Variants in KTN1 observed in about 807,000 individuals in gnomAD.
KTN1 encodes the protein kinectin.
Under a neutral mutation model 222.5 loss-of-function variants are expected in KTN1, and 130 were observed. The ratio of observed to expected loss-of-function variants is 0.58; its 90% confidence interval spans 0.51 to 0.68. The LOEUF is 0.68. KTN1 is among the 30% of genes least tolerant of loss of function. The pLI is 0.00. For synonymous variants in KTN1, 512 were observed against 496.3 expected, an observed-to-expected ratio of 1.03 and a Z score of -0.42; for missense variants, 1,508 against 1,500.4, an observed-to-expected ratio of 1.01 and a Z score of -0.08.
At chr14:55,634,471 T>C in intron 8 of KTN1, 55 bp from the exon 9 acceptor site, 1 of 1,482,592 alleles carries the variant, frequency 6.7e-7, no homozygotes, top group Non-Finnish European at 9.0e-7. Flanking sequence ...GTTTTGTTTA[T>C]TTCTTATATA....
At chr14:55,632,459 A>G (rs1164450457) in intron 7 of KTN1, among the ~76,000 whole-genome samples, 1 of 152,224 alleles carries the variant, frequency 6.6e-6, no homozygotes, top group East Asian at 1.9e-4. Flanking sequence ...GTGTGCCTTT[A>G]TCTTTAGATT....
Position 55,656,102 on chromosome 14 carries a change from T to A in KTN1, c.2862T>A (p.Ser954Arg). 6.2e-7 allele frequency: 1 copy of A among 1,608,618 alleles called. No homozygotes were observed. The highest frequency in any genetic ancestry group is 8.5e-7 in the Non-Finnish European group (1 of 1,176,002). ...RLEAMLKERE[S>R]DLSSKTQLLQ... is the part of the protein sequence containing the mutation. ...AAGCCATGCTAAAAGAGAGGGAGAG[T>A]GATCTTTCTAGCAAAACACAGCTGT... The change falls in exon 29 of 44, where the codon AGT (serine) becomes AGA (arginine). Residue 954 changes from serine (S) to arginine (R), a missense_variant. Physicochemically the swap from Ser to Arg is moderately radical, Grantham distance 110 (BLOSUM62 -1). Transcript: ENST00000395314.
chr14:55,636,373 CT>C lies in KTN1; in HGVS notation c.1462-69del, dbSNP rs138617543. 5,176 of 1,131,750 alleles carry C rather than the reference CT, an allele frequency of 4.6e-3. 173 individuals are homozygous for C. In the African/African-American group the frequency reaches 0.07, roughly 15 times the overall value. The allele number at this position is 1,131,750 out of a possible 1,614,324, so 70.1% of individuals were successfully genotyped here. A position where few individuals can be genotyped will look rare whatever the true frequency, so the allele number is the denominator to read the frequency against. ...GATACAACAGTAAAGGTAGAGGATG[CT>C]TTTTTTCCCTCTTTTTCAAAGTAGA... On this transcript the variant is annotated intron_variant, in intron 9 of 43. Transcript: ENST00000395314.
At chr14:55,583,895 T>C (rs1191765136) in intron 1 of KTN1, among the ~76,000 whole-genome samples, 3 of 152,214 alleles carry the variant, frequency 2.0e-5, no homozygotes, top group Non-Finnish European at 4.4e-5. Flanking sequence ...CCCTGACTTA[T>C]TTCTTTCACA....
chr14:55,610,593 G>A (rs1227915224), intron 1 of KTN1, among the ~76,000 whole-genome samples: 2 of 152,158 alleles, frequency 1.3e-5, no homozygotes, highest in African/African-American at 4.8e-5. Context: ...AAAATTCTCA[G>A]ATTTATTTTT....
At chr14:55,672,746 T>C (rs1365075663) in intron 38 of KTN1, 45 bp downstream of exon 38, 1 of 1,320,994 alleles carries the variant, frequency 7.6e-7, no homozygotes, top group Non-Finnish European at 1.1e-6. Flanking sequence ...GATTTGTTTT[T>C]AGCATTAACG....
In KTN1 at chr14:55,647,016, T is replaced by G. The variant is rs1342513244; in HGVS notation, c.2207+9T>G. The G allele has an allele frequency of 1.4e-6, 2 of 1,466,268 alleles. No homozygotes were observed. The highest frequency in any genetic ancestry group is 3.4e-5 in the Admixed American group (2 of 58,586). 90.8% of individuals were successfully genotyped at this position (1,466,268 alleles called of 1,614,324 possible). ...GAACAAATGGAAAAATGGTAAGAGTTTAGTTTTCTTTTTATATTTTGATGA... is the reference window on the plus strand; with the variant it reads ...GAACAAATGGAAAAATGGTAAGAGTGTAGTTTTCTTTTTATATTTTGATGA... On this transcript the variant is annotated intron_variant, in intron 19 of 43. Transcript: ENST00000395314.
Position 55,684,259 on chromosome 14 carries a change from A to T in KTN1, c.*156A>T. 2.0e-6 allele frequency: 1 copy of T among 499,262 alleles called. No individual in the cohort carries two copies. The highest frequency in any genetic ancestry group is 3.4e-6 in the Non-Finnish European group (1 of 291,870). 30.9% of individuals were successfully genotyped at this position (499,262 alleles called of 1,614,324 possible). ...TCCTTGTTAGACTACTGATTTAAAG[A>T]AGGAAAAAAAAAAGCCAACTCTGTA... On this transcript the variant is annotated 3_prime_UTR_variant, in exon 44 of 44. Transcript: ENST00000395314.
chr14:55,661,757 G>T, intron 32 of KTN1, 145 bp downstream of exon 32: 1 of 441,104 alleles, frequency 2.3e-6, no homozygotes, highest in Non-Finnish European at 4.1e-6. Flanking sequence ...TAGTTTTTTC[G>T]GGGGGCGGGG....
At chr14:55,619,715 C>G (rs995944121) in intron 5 of KTN1, among the ~76,000 whole-genome samples, 1 of 151,966 alleles carries the variant, frequency 6.6e-6, no homozygotes, top group African/African-American at 2.4e-5. Flanking sequence ...GGGGAAATTG[C>G]CCCCATGATT....
At chr14:55,638,054 G>C (rs1305731839) in intron 12 of KTN1, among the ~76,000 whole-genome samples, 1 of 151,936 alleles carries the variant, frequency 6.6e-6, no homozygotes, top group African/African-American at 2.4e-5. Flanking sequence ...CAACTAATTG[G>C]ATGAGGGGAA....
At chr14:55,619,536 A>G (rs1476327666) in intron 5 of KTN1, among the ~76,000 whole-genome samples, 1 of 152,178 alleles carries the variant, frequency 6.6e-6, no homozygotes, top group South Asian at 2.1e-4. Flanking sequence ...AAGAGTTTAA[A>G]TGGCTCACAG....
chr14:55,585,651 G>A (rs2032832918), intron 1 of KTN1, among the ~76,000 whole-genome samples: 1 of 152,110 alleles, frequency 6.6e-6, no homozygotes, highest in East Asian at 1.9e-4. Context: ...AGGATTTAAT[G>A]TCATTTTTAT....
chr14:55,626,147 G>C (rs1204657113), intron 5 of KTN1, among the ~76,000 whole-genome samples: 5 of 151,678 alleles, frequency 3.3e-5, no homozygotes, highest in Admixed American at 1.3e-4. Context: ...AAATAATGGA[G>C]ATCAGTTAAA....
intron 19 of KTN1, 43 bp from the exon 20 acceptor site, chr14:55,647,982 T>C (rs2042562470): frequency 4.1e-6 from 3 of 728,750 alleles, no homozygotes; most frequent in South Asian, 2.9e-5. Context: ...ATCATTAACT[T>C]TGAAAAATAG....
intron 2 of KTN1, among the ~76,000 whole-genome samples, chr14:55,616,047 A>T (rs988360457): frequency 6.6e-6 from 1 of 151,730 alleles, no homozygotes; most frequent in Non-Finnish European, 1.5e-5. Context: ...GAGTAGCTGG[A>T]ACTACAGGTG....
intron 5 of KTN1, among the ~76,000 whole-genome samples, chr14:55,624,950 G>A (rs528227513): frequency 3.7e-4 from 56 of 152,330 alleles, no homozygotes; most frequent in African/African-American, 1.2e-3. Flanking sequence ...AAGTGACAGC[G>A]AGTGTCCGCT....
intron 29 of KTN1, chr14:55,656,334 C>G (rs561087884): frequency 8.0e-5 from 39 of 485,574 alleles, no homozygotes; most frequent in African/African-American, 7.3e-4. Context: ...TTATTAAATA[C>G]TCTGTTGAAC....
chr14:55,589,076 A>G (rs1465164578), intron 1 of KTN1, among the ~76,000 whole-genome samples: 2 of 152,222 alleles, frequency 1.3e-5, no homozygotes, highest in Non-Finnish European at 2.9e-5. Flanking sequence ...TACATAAAAT[A>G]CAGCCGAGGC....
Sources: gnomAD v4.1 joint callset for allele counts (sites outside exome capture counted in the v4.1 genomes callset) on GRCh38, gnomAD v4.1.1 for gene constraint, MANE v1.5 for transcripts, NCBI Gene and HGNC (gene_info 2026-07-23, HGNC 2026-07-21) for gene names.